The following NEGR1 variants were observed in gnomAD, a reference collection of about 807,000 sequenced individuals.
NEGR1 encodes IgLON family member 4.
Under a neutral mutation model 40.9 loss-of-function variants are expected in NEGR1, and 10 were observed. The observed-to-expected ratio is 0.24, with a 90% CI of 0.15 to 0.42. The LOEUF (loss-of-function observed/expected upper bound fraction) is 0.42. Ranked by LOEUF, NEGR1 falls within the 10% of genes least tolerant of loss-of-function variation. NEGR1 has a pLI of 1.00. For missense variants in NEGR1, 352 were observed against 438.9 expected (o/e 0.80, Z 1.77); for synonymous variants, 185 against 166.8 (o/e 1.11, Z -0.84).
At chr1:71,543,902 A>G (rs143845179) in intron 6 of NEGR1, among the ~76,000 whole-genome samples, 2 of 151,746 alleles carry the variant, frequency 1.3e-5, no homozygotes, top group Non-Finnish European at 2.9e-5. Flanking sequence ...GTTAAGTTGG[A>G]TAGAATGTTT....
intron 3 of NEGR1, among the ~76,000 whole-genome samples, chr1:71,706,226 A>C (rs1332361798): frequency 1.3e-5 from 2 of 152,194 alleles, no homozygotes; most frequent in Non-Finnish European, 2.9e-5. Flanking sequence ...CTGTCTTGTT[A>C]GAGCAGAACG....
intron 2 of NEGR1, among the ~76,000 whole-genome samples, chr1:71,812,905 T>G (rs1424814306): frequency 2.0e-5 from 3 of 152,124 alleles, no homozygotes; most frequent in Non-Finnish European, 4.4e-5. Flanking sequence ...TTTAGTTTAA[T>G]TAGATCCCAC....
chr1:71,800,816 C>A (rs1357009968), intron 2 of NEGR1, among the ~76,000 whole-genome samples: 1 of 152,006 alleles, frequency 6.6e-6, no homozygotes, highest in African/African-American at 2.4e-5. Flanking sequence ...TAGATCATTC[C>A]CATAGCATGT....
intron 1 of NEGR1, among the ~76,000 whole-genome samples, chr1:72,274,163 C>T (rs1017700359): frequency 2.0e-5 from 3 of 152,006 alleles, no homozygotes; most frequent in Admixed American, 1.3e-4. Flanking sequence ...ACACTTTACC[C>T]GCTTTATGTT....
chr1:72,018,433 C>T (rs932887243), intron 1 of NEGR1, among the ~76,000 whole-genome samples: 1 of 152,118 alleles, frequency 6.6e-6, no homozygotes, highest in Non-Finnish European at 1.5e-5. Flanking sequence ...CCTAGAGATT[C>T]TTACTGAATT....
chr1:71,419,588 C>T (rs1253778856), intron 6 of NEGR1, among the ~76,000 whole-genome samples: 3 of 152,052 alleles, frequency 2.0e-5, no homozygotes, highest in Admixed American at 2.0e-4. Context: ...AGGAATATTA[C>T]CCACTGTTTT....
At chr1:71,543,576 T>C (rs1647790268) in intron 6 of NEGR1, among the ~76,000 whole-genome samples, 1 of 151,724 alleles carries the variant, frequency 6.6e-6, no homozygotes, top group African/African-American at 2.4e-5. Flanking sequence ...TGGGAGGGCA[T>C]AATGAGTTGG....
intron 2 of NEGR1, among the ~76,000 whole-genome samples, chr1:71,866,925 G>A (rs1660130088): frequency 6.6e-6 from 1 of 152,152 alleles, no homozygotes; most frequent in African/African-American, 2.4e-5. Flanking sequence ...TGAAAAGTGG[G>A]AATGTCCCTA....
intron 6 of NEGR1, among the ~76,000 whole-genome samples, chr1:71,474,748 A>G (rs1386834782): frequency 1.3e-5 from 2 of 151,378 alleles, no homozygotes; most frequent in East Asian, 3.9e-4. Context: ...ACAAAAAAAC[A>G]AAACCAGAAT....
chr1:71,900,089 G>A (rs1190266427), intron 2 of NEGR1, among the ~76,000 whole-genome samples: 2 of 152,144 alleles, frequency 1.3e-5, no homozygotes, highest in Non-Finnish European at 2.9e-5. Flanking sequence ...AAAAAATACA[G>A]TATACCACTG....
chr1:71,806,581 A>G (rs1271298860), intron 2 of NEGR1, among the ~76,000 whole-genome samples: 2 of 152,116 alleles, frequency 1.3e-5, no homozygotes, highest in African/African-American at 4.8e-5. Flanking sequence ...TGGTTCAGGA[A>G]ATTGTTATAA....
chr1:71,662,383 A>G (rs1570167363), intron 4 of NEGR1, among the ~76,000 whole-genome samples: 1 of 152,200 alleles, frequency 6.6e-6, no homozygotes, highest in African/African-American at 2.4e-5. Context: ...TTATGCATGG[A>G]GAACGGAACT....
intron 4 of NEGR1, among the ~76,000 whole-genome samples, chr1:71,680,224 G>T (rs1652792329): frequency 6.6e-6 from 1 of 152,120 alleles, no homozygotes; most frequent in African/African-American, 2.4e-5. Context: ...AGACAGAACT[G>T]TCATATAAGA....
At chr1:71,901,092 C>T (rs1160403539) in intron 2 of NEGR1, among the ~76,000 whole-genome samples, 1 of 152,142 alleles carries the variant, frequency 6.6e-6, no homozygotes, top group Non-Finnish European at 1.5e-5. Context: ...TGACATTAAT[C>T]TTATTTCTGT....
intron 4 of NEGR1, among the ~76,000 whole-genome samples, chr1:71,687,288 G>C (rs1653071282): frequency 6.6e-6 from 1 of 152,192 alleles, no homozygotes; most frequent in South Asian, 2.1e-4. Flanking sequence ...AAGGCATTAA[G>C]AGTAGAGTAG....
At chr1:72,116,979 C>G (rs1649605769) in intron 1 of NEGR1, among the ~76,000 whole-genome samples, 1 of 151,716 alleles carries the variant, frequency 6.6e-6, no homozygotes. Context: ...TGTGTCTTAT[C>G]TGAGCTTATT....
intron 2 of NEGR1, among the ~76,000 whole-genome samples, chr1:71,844,606 G>A (rs535375521): frequency 5.3e-5 from 8 of 152,144 alleles, no homozygotes; most frequent in Non-Finnish European, 4.4e-5. Flanking sequence ...CCGTTTGCAC[G>A]TATTGAAACC....
At chr1:72,008,315 T>G (rs1646627039) in intron 1 of NEGR1, among the ~76,000 whole-genome samples, 1 of 152,158 alleles carries the variant, frequency 6.6e-6, no homozygotes, top group African/African-American at 2.4e-5. Context: ...CCCATGGTGC[T>G]GCTCTTTCCA....
intron 1 of NEGR1, among the ~76,000 whole-genome samples, chr1:72,220,673 A>G (rs1653983777): frequency 6.6e-6 from 1 of 152,046 alleles, no homozygotes; most frequent in African/African-American, 2.4e-5. Flanking sequence ...CAGAATTAAG[A>G]TATTCAGAAT....
Sources: gnomAD v4.1 joint callset for allele counts (sites outside exome capture counted in the v4.1 genomes callset) on GRCh38, gnomAD v4.1.1 for gene constraint, MANE v1.5 for transcripts, NCBI Gene and HGNC (gene_info 2026-07-23, HGNC 2026-07-21) for gene names.